Variants in EZH2 observed in about 807,000 individuals in gnomAD.
EZH2 encodes the protein enhancer of zeste 2 polycomb repressive complex 2 subunit.
Under a neutral mutation model 98.4 loss-of-function variants are expected in EZH2, and 18 were observed. The observed-to-expected ratio is 0.18, with a 90% CI of 0.13 to 0.27. The LOEUF (loss-of-function observed/expected upper bound fraction) is 0.27, where lower values mean the gene tolerates loss of function less well. Among genes scored for constraint, EZH2 ranks in the 10% least tolerant of loss-of-function variants. EZH2 has a pLI of 1.00. For missense variants in EZH2, 470 were observed against 935.1 expected (o/e 0.50, Z 6.49); for synonymous variants, 338 against 312.3 (o/e 1.08, Z -0.87).
At chr7:148,867,144 T>C (rs935038724) in intron 1 of EZH2, among the ~76,000 whole-genome samples, 48 of 151,154 alleles carry the variant, frequency 3.2e-4, no homozygotes, top group Non-Finnish European at 5.5e-4. Context: ...CTGGCCAACA[T>C]GGTGAAACCC....
Position 148,815,558 on chromosome 7 carries a change from C to G in EZH2, c.1506-12G>C. 2.5e-6 allele frequency: 4 copies of G among 1,613,986 alleles called. No homozygotes were observed. Among genetic ancestry groups the G allele is most frequent in the Non-Finnish European group, 3.4e-6 (4 of 1,179,844 alleles). ...GTGCAGCCCACAACCTGCAAAAACA[C>G]AAAGAAAATTAAACCAAATTTCTGC... On this transcript the variant is annotated splice_polypyrimidine_tract_variant and intron_variant, in intron 12 of 19. Coordinates refer to ENST00000320356, the MANE Select transcript of EZH2 (RefSeq NM_004456.5).
At chr7:148,870,756 C>G (rs1395497621) in intron 1 of EZH2, among the ~76,000 whole-genome samples, 1 of 151,244 alleles carries the variant, frequency 6.6e-6, no homozygotes, top group African/African-American at 2.4e-5. Context: ...ATGGTGAAAC[C>G]CCGACTCTAT....
chr7:148,842,699 T>C (rs1055594077), intron 3 of EZH2, among the ~76,000 whole-genome samples: 1 of 152,080 alleles, frequency 6.6e-6, no homozygotes, highest in African/African-American at 2.4e-5. Context: ...TGTATTAAAA[T>C]TCTATGAACA....
chr7:148,883,636 G>C (rs1362131089), intron 1 of EZH2: 3 of 146,626 alleles, frequency 2.0e-5, no homozygotes, highest in Non-Finnish European at 4.5e-5. Flanking sequence ...CCCGCCCGCC[G>C]GCGGGCCCGG....
rs1220875602 is a variant in EZH2, at chr7:148,826,589, G to C, written c.772C>G (p.Pro258Ala). ...CCATCTATGTTGGGGGTACATTCAG[G>C]AGGAAGTGCGCCTGGGAGCTGCTGT... The part of the protein sequence containing the change: ...TEQQLPGALP[P>A]ECTPNIDGPN... The change falls in exon 8 of 20, where the codon CCT becomes GCT. Residue 258 changes from proline to alanine, a missense_variant. By Grantham distance (27) the Pro-to-Ala change is conservative. Around this residue, in one of 6 missense-constraint regions of EZH2, gnomAD observed 192 missense variants for 306.8 expected, o/e 0.63. Coordinates refer to ENST00000320356, the MANE Select transcript of EZH2 (RefSeq NM_004456.5). 6.4e-7 allele frequency: 1 copy of C among 1,567,560 alleles called. No homozygotes were observed. The highest frequency in any genetic ancestry group is 8.7e-7 in the Non-Finnish European group (1 of 1,153,382).
chr7:148,813,048 C>CACAT (rs370956446), intron 15 of EZH2, among the ~76,000 whole-genome samples: 3 of 130,524 alleles, frequency 2.3e-5, no homozygotes, highest in East Asian at 2.1e-4. Context: ...CTCTACACCC[C>CACAT]ACATACACAC....
At chr7:148,874,955 T>G (rs918855362) in intron 1 of EZH2, among the ~76,000 whole-genome samples, 5 of 151,784 alleles carry the variant, frequency 3.3e-5, no homozygotes, top group African/African-American at 1.2e-4. Context: ...AGTTTGGCAA[T>G]CATCATTTCT....
intron 8 of EZH2, among the ~76,000 whole-genome samples, chr7:148,820,347 G>A (rs1805680665): frequency 6.6e-6 from 1 of 152,184 alleles, no homozygotes. Flanking sequence ...TGAAAAGAGT[G>A]TGAACATTGA....
chr7:148,829,682 T>A, intron 5 of EZH2, 46 bp downstream of exon 5: 4 of 1,588,010 alleles, frequency 2.5e-6, no homozygotes, highest in Non-Finnish European at 3.4e-6. Flanking sequence ...AAAGTGTCTC[T>A]CAATTCTTTA....
chr7:148,838,048 G>A (rs920475912), intron 3 of EZH2, among the ~76,000 whole-genome samples: 8 of 149,806 alleles, frequency 5.3e-5, no homozygotes, highest in East Asian at 3.9e-4. Context: ...ATACAGTATC[G>A]GGAAGTTTAG....
At chr7:148,822,964 A>G (rs975644401) in intron 8 of EZH2, among the ~76,000 whole-genome samples, 1 of 152,164 alleles carries the variant, frequency 6.6e-6, no homozygotes, top group African/African-American at 2.4e-5. Flanking sequence ...AACAAAGAAT[A>G]AAAATAGTTC....
intron 4 of EZH2, among the ~76,000 whole-genome samples, chr7:148,830,941 G>C (rs757394927): frequency 6.6e-6 from 1 of 152,234 alleles, no homozygotes; most frequent in Non-Finnish European, 1.5e-5. Flanking sequence ...CCTTTGAAAA[G>C]AGTATTGGTT....
intron 3 of EZH2, among the ~76,000 whole-genome samples, chr7:148,833,807 A>C (rs879915177): frequency 2.6e-4 from 39 of 152,172 alleles, no homozygotes; most frequent in Admixed American, 2.6e-3. Flanking sequence ...ATAGAAAAGA[A>C]AGGATAAGTA....
chr7:148,882,804 A>C (rs1023006626), intron 1 of EZH2, among the ~76,000 whole-genome samples: 2 of 152,244 alleles, frequency 1.3e-5, no homozygotes, highest in Non-Finnish European at 2.9e-5. Context: ...GCAAAGACAC[A>C]TTTTTATTTC....
chr7:148,835,314 T>C (rs927857911), intron 3 of EZH2, among the ~76,000 whole-genome samples: 2 of 151,818 alleles, frequency 1.3e-5, no homozygotes, highest in African/African-American at 4.8e-5. Context: ...TCCCAGCTAC[T>C]TGAGGGGCTG....
At position 148,882,186 on chromosome 7, in the gene EZH2, C is replaced by T. The variant is rs574013901; in HGVS notation, c.-8+1978G>A. Among the ~76,000 whole-genome samples the T allele has an allele frequency of 5.9e-5, 9 of 152,298 alleles. No individual in the cohort carries two copies. In the South Asian group the frequency reaches 1.9e-3, roughly 32 times the overall value. On this transcript the variant is annotated intron_variant, in intron 1 of 19. Coordinates refer to ENST00000320356, the MANE Select transcript of EZH2 (RefSeq NM_004456.5). ...TGGAATGCCCGTACAGTGGTGTCAA[C>T]ACTCTCCAAAATATATGTAATAAAT...
At chr7:148,810,185 C>G (rs1802638569) in intron 17 of EZH2, 148 bp downstream of exon 17, 1 of 526,082 alleles carries the variant, frequency 1.9e-6, no homozygotes, top group Non-Finnish European at 3.5e-6. Flanking sequence ...TGCTCCAGTT[C>G]CTTTCAAGCA....
chr7:148,844,687 A>G (rs73158266), intron 3 of EZH2, among the ~76,000 whole-genome samples: 16,433 of 152,230 alleles, frequency 0.11, 1,100 homozygotes, highest in Non-Finnish European at 0.15. Context: ...TTTCACATAA[A>G]CTCACGAACA....
chr7:148,857,923 C>T (rs1817081454), intron 1 of EZH2, among the ~76,000 whole-genome samples: 1 of 150,586 alleles, frequency 6.6e-6, no homozygotes, highest in African/African-American at 2.4e-5. Flanking sequence ...AAAAATGTTA[C>T]ATAAAATGTT....
Sources: gnomAD v4.1 joint callset for allele counts (sites outside exome capture counted in the v4.1 genomes callset) on GRCh38, gnomAD v4.1.1 for gene constraint, gnomAD v4.1.1 regional missense constraint, MANE v1.5 for transcripts, NCBI Gene and HGNC (gene_info 2026-07-23, HGNC 2026-07-21) for gene names.